Variants in PDE1C observed in about 807,000 individuals in gnomAD.
PDE1C encodes phosphodiesterase 1C, also known as dual specificity calcium/calmodulin-dependent 3',5'-cyclic nucleotide phosphodiesterase 1C.
PDE1C carries 62 observed loss-of-function variants against 93.1 expected under a neutral mutation model. The observed-to-expected ratio is 0.67, with a 90% CI of 0.54 to 0.82. PDE1C has a LOEUF of 0.82. Ranked by LOEUF, PDE1C falls within the 40% of genes least tolerant of loss-of-function variation. The pLI is 0.00. For missense variants in PDE1C, 742 were observed against 884.6 expected (o/e 0.84, Z 2.04); for synonymous variants, 325 against 310.1 (o/e 1.05, Z -0.50).
Position 32,258,213 on chromosome 7 carries a change from G to A in PDE1C, c.85+40438C>T, listed in dbSNP as rs193165454. Among the ~76,000 whole-genome samples the A allele has an allele frequency of 7.6e-4, 115 of 152,292 alleles. 3 individuals are homozygous for A. The highest frequency in any genetic ancestry group is 1.3e-4 in the Non-Finnish European group (9 of 68,020). Reference sequence around the variant, plus strand: ...CTGCTGCCCACAAGCTGGGGACCATGGGTAAGTTCCCTAACCTCTTAGATT... The same window carrying A: ...CTGCTGCCCACAAGCTGGGGACCATAGGTAAGTTCCCTAACCTCTTAGATT... On this transcript the variant is annotated intron_variant, in intron 1 of 18. Coordinates refer to the PDE1C transcript ENST00000396193.
At chr7:32,134,633 T>A (rs7777263) in intron 3 of PDE1C, among the ~76,000 whole-genome samples, 32,028 of 152,038 alleles carry the variant, frequency 0.21, 3,756 homozygotes, top group South Asian at 0.26. Flanking sequence ...CTGGAAGCCA[T>A]CATCCTCAGC....
At chr7:31,622,594 A>T in the PDE1C span, among the ~76,000 whole-genome samples, 1 of 152,018 alleles carries the variant, frequency 6.6e-6, no homozygotes, top group Non-Finnish European at 1.5e-5. Context: ...AATCTCTGGG[A>T]CACATTCAAA....
chr7:32,011,780 T>C (rs1787153495), intron 2 of PDE1C, among the ~76,000 whole-genome samples: 1 of 152,156 alleles, frequency 6.6e-6, no homozygotes. Flanking sequence ...TCTTAAACCA[T>C]TAAACATGCA....
rs1784389119 is a variant in PDE1C at position 32,374,256 on chromosome 7, G to GGA, written c.310+53565_310+53566insTC. Among the ~76,000 whole-genome samples, 372 of 113,202 alleles carry GGA rather than the reference G, an allele frequency of 3.3e-3. 2 individuals are homozygous for GGA. The highest frequency in any genetic ancestry group is 0.012 in the African/African-American group (355 of 28,740). 74.3% of individuals were successfully genotyped at this position (113,202 alleles called of 152,430 possible). ...AAAGAAAGAAGGAAGGAAAGGAAAGGAAGAAAGAAAGAAAGAAAGAAAGAA... is the reference window on the plus strand; with the variant it reads ...AAAGAAAGAAGGAAGGAAAGGAAAGGGAAAGAAAGAAAGAAAGAAAGAAAGAA... On this transcript the variant is annotated intron_variant, in intron 1 of 1. Coordinates refer to the PDE1C transcript ENST00000672256.
chr7:31,940,866 A>T (rs1052431121), intron 2 of PDE1C, among the ~76,000 whole-genome samples: 1 of 152,038 alleles, frequency 6.6e-6, no homozygotes, highest in Non-Finnish European at 1.5e-5. Context: ...AGACCCTTCA[A>T]GTCATTGCCA....
the PDE1C span, chr7:31,695,552 G>T: frequency 6.2e-7 from 1 of 1,613,964 alleles, no homozygotes; most frequent in Middle Eastern, 1.6e-4. Flanking sequence ...CACCCTGAAT[G>T]TTGAGTCAGA....
rs139501265 is a variant in PDE1C, at chr7:32,270,406, A to G, written c.85+28245T>C. Among the ~76,000 whole-genome samples the G allele has an allele frequency of 3.4e-4, 52 of 152,204 alleles. 1 individual carries two copies. Among genetic ancestry groups the G allele is most frequent in the African/African-American group, 1.3e-3 (52 of 41,522 alleles). ...CTTTTTCTCTAGATGATTGTGTAAGAATATATATACACAATCAGTCAAGAA... is the reference window on the plus strand; with the variant it reads ...CTTTTTCTCTAGATGATTGTGTAAGGATATATATACACAATCAGTCAAGAA... On this transcript the variant is annotated intron_variant, in intron 1 of 18. Coordinates refer to the PDE1C transcript ENST00000396193.
rs189791342 is a variant in PDE1C, at chr7:32,213,300, G to T, written c.86-3761C>A. Reference sequence around the variant, plus strand: ...GGGGCGATTGGAACACAAGGCCCCCGTCCCACATGACAGCCATGGATCAAC... The same window carrying T: ...GGGGCGATTGGAACACAAGGCCCCCTTCCCACATGACAGCCATGGATCAAC... On this transcript the variant is annotated intron_variant, in intron 1 of 18. Transcript: ENST00000396193. 5.3e-4 allele frequency among the ~76,000 whole-genome samples: 81 copies of T among 152,224 alleles called. 1 individual carries two copies. The highest frequency in any genetic ancestry group is 1.8e-3 in the African/African-American group (75 of 41,534).
chr7:31,930,997 T>C (rs1166090386), intron 2 of PDE1C, among the ~76,000 whole-genome samples: 1 of 151,878 alleles, frequency 6.6e-6, no homozygotes, highest in African/African-American at 2.4e-5. Context: ...CACATGATTA[T>C]CTCAATAGAC....
At chr7:32,165,160 C>T (rs1176411695) in intron 3 of PDE1C, among the ~76,000 whole-genome samples, 3 of 152,194 alleles carry the variant, frequency 2.0e-5, no homozygotes, top group Admixed American at 1.3e-4. Flanking sequence ...AGCCACAAAA[C>T]CCATGTTTGA....
At chr7:31,851,174 G>T (rs1017159146) in intron 7 of PDE1C, among the ~76,000 whole-genome samples, 2 of 151,994 alleles carry the variant, frequency 1.3e-5, no homozygotes, top group Non-Finnish European at 2.9e-5. Context: ...ATTATAGGAG[G>T]ATATCCACTA....
intron 9 of PDE1C, among the ~76,000 whole-genome samples, chr7:31,841,430 T>A (rs1791884765): frequency 6.6e-6 from 1 of 152,050 alleles, no homozygotes; most frequent in Admixed American, 6.6e-5. Context: ...AGATCAAGCA[T>A]CTTTGTCTTA....
At chr7:32,086,608 T>C (rs1797095887) in intron 3 of PDE1C, among the ~76,000 whole-genome samples, 1 of 151,974 alleles carries the variant, frequency 6.6e-6, no homozygotes, top group African/African-American at 2.4e-5. Flanking sequence ...CAAACTATAC[T>C]ACAAGGCTAC....
At chr7:31,890,091 T>C (rs73690322) in intron 2 of PDE1C, among the ~76,000 whole-genome samples, 1,883 of 152,296 alleles carry the variant, frequency 0.012, 42 homozygotes, top group African/African-American at 0.041. Flanking sequence ...TGGGAAAGGA[T>C]GTTATTATGA....
At chr7:31,719,493 A>T in the PDE1C span, among the ~76,000 whole-genome samples, 142 of 152,354 alleles carry the variant, frequency 9.3e-4, no homozygotes, top group African/African-American at 3.3e-3. Context: ...AACACTGAGC[A>T]GCTGAGTACA....
At chr7:32,290,026 G>C (rs1477352044) in intron 1 of PDE1C, among the ~76,000 whole-genome samples, 4 of 152,170 alleles carry the variant, frequency 2.6e-5, no homozygotes, top group African/African-American at 4.8e-5. Context: ...TCCACCAAGT[G>C]AAAATCAACT....
chr7:32,272,950 GTAT>G (rs1811058616), intron 1 of PDE1C, among the ~76,000 whole-genome samples: 1 of 152,204 alleles, frequency 6.6e-6, no homozygotes, highest in Non-Finnish European at 1.5e-5. Flanking sequence ...ATATTAACAA[GTAT>G]TTATTAAGCA....
chr7:31,880,185 AAAAG>A (rs1268964015), intron 3 of PDE1C, among the ~76,000 whole-genome samples: 86 of 152,352 alleles, frequency 5.6e-4, no homozygotes, highest in African/African-American at 1.9e-3. Context: ...AACATTTTTC[AAAAG>A]AAATGCAATT....
chr7:31,852,761 T>C (rs73306509), intron 7 of PDE1C, among the ~76,000 whole-genome samples: 3,084 of 152,272 alleles, frequency 0.02, 45 homozygotes, highest in South Asian at 0.05. Flanking sequence ...GGATCATTGT[T>C]CATGTGTTTA....
Sources: gnomAD v4.1 joint callset for allele counts (sites outside exome capture counted in the v4.1 genomes callset) on GRCh38, gnomAD v4.1.1 for gene constraint, MANE v1.5 for transcripts, NCBI Gene and HGNC (gene_info 2026-07-23, HGNC 2026-07-21) for gene names.